Variants in TEK observed in about 807,000 individuals in gnomAD.
TEK encodes the protein TEK receptor tyrosine kinase.
A neutral mutation model predicts 131.8 loss-of-function variants in TEK; 43 were observed. The observed-to-expected ratio is 0.33, with a 90% CI of 0.26 to 0.42. The LOEUF (loss-of-function observed/expected upper bound fraction) is 0.42, where lower values mean the gene tolerates loss of function less well. Ranked by LOEUF, TEK falls within the 10% of genes least tolerant of loss-of-function variation. The probability of loss-of-function intolerance (pLI) is 1.00; values close to 1 mark genes in which losing one functional copy is unlikely to be tolerated. For synonymous variants in TEK, 580 were observed against 491.6 expected (o/e 1.18, Z -2.38); for missense variants, 1,162 against 1,384.4 (o/e 0.84, Z 2.55).
chr9:27,222,867 T>C (rs1211456742), intron 21 of TEK, among the ~76,000 whole-genome samples: 1 of 151,512 alleles, frequency 6.6e-6, no homozygotes, highest in African/African-American at 2.4e-5. Context: ...CATTATAATA[T>C]TGAGACCCAT....
intron 9 of TEK, 25 bp downstream of exon 9, chr9:27,185,654 G>C (rs1299340252): frequency 6.2e-7 from 1 of 1,613,164 alleles, no homozygotes; most frequent in Non-Finnish European, 8.5e-7. Flanking sequence ...CAGAAAAAGG[G>C]ATTGTGTCCT....
intron 21 of TEK, 142 bp downstream of exon 21, chr9:27,220,287 C>A: frequency 1.4e-6 from 1 of 715,550 alleles, no homozygotes; most frequent in Non-Finnish European, 2.5e-6. Flanking sequence ...AACCCCTCCC[C>A]TTTTATTCAC....
intron 16 of TEK, 108 bp from the exon 17 acceptor site, chr9:27,212,599 T>G: frequency 8.4e-7 from 1 of 1,193,918 alleles, no homozygotes; most frequent in Non-Finnish European, 1.2e-6. Context: ...TTGCTAGATG[T>G]GTTTTTTAGA....
rs373772509 is a variant in TEK, at chr9:27,157,971, A to G, written c.193A>G (p.Met65Val). 3.8e-5 allele frequency: 61 copies of G among 1,614,120 alleles called. 1 individual carries two copies. The highest frequency in any genetic ancestry group is 3.3e-4 in the Middle Eastern group (2 of 6,062). The change falls in exon 2 of 23, where the codon ATG becomes GTG. Residue 65 changes from methionine to valine, a missense_variant. Met to Val is a conservative substitution (Grantham distance 21, BLOSUM62 1). This residue lies in a region of TEK where 436 missense variants were observed against 539.1 expected (regional missense o/e 0.81). Transcript: ENST00000380036. The part of the protein sequence containing the change: ...ITIGRDFEAL[M>V]NQHQDPLEVT... Reference sequence around the variant, plus strand: ...CATAGGAAGGGACTTTGAAGCCTTAATGAACCAGCACCAGGATCCGCTGGA... The same window carrying G: ...CATAGGAAGGGACTTTGAAGCCTTAGTGAACCAGCACCAGGATCCGCTGGA...
At chr9:27,164,230 T>C (rs1172251706) in intron 2 of TEK, among the ~76,000 whole-genome samples, 1 of 152,156 alleles carries the variant, frequency 6.6e-6, no homozygotes, top group Non-Finnish European at 1.5e-5. Context: ...GTAGTACCTA[T>C]CTCATAGGGA....
rs1372372055 is a variant in TEK at position 27,168,479 on chromosome 9, T to G, written c.365-16T>G. The G allele has an allele frequency of 6.2e-7, 1 of 1,600,068 alleles. No individual in the cohort carries two copies. Reference sequence around the variant, plus strand: ...TGTGATCCCATTTTTGGTATTTGTTTTCTCTCTTTTAAAAGCTTCCTTCCT... The same window carrying G: ...TGTGATCCCATTTTTGGTATTTGTTGTCTCTCTTTTAAAAGCTTCCTTCCT... On this transcript the variant is annotated splice_polypyrimidine_tract_variant and intron_variant, in intron 2 of 22. Coordinates refer to ENST00000380036, the MANE Select transcript of TEK (RefSeq NM_000459.5).
intron 1 of TEK, among the ~76,000 whole-genome samples, chr9:27,116,969 C>T (rs1393367735): frequency 6.7e-6 from 1 of 148,952 alleles, no homozygotes; most frequent in Non-Finnish European, 1.5e-5. Context: ...TCACACCATT[C>T]TCCTGCCTCA....
At chr9:27,137,591 T>TA (rs1822518665) in intron 1 of TEK, among the ~76,000 whole-genome samples, 1 of 152,168 alleles carries the variant, frequency 6.6e-6, no homozygotes, top group Non-Finnish European at 1.5e-5. Flanking sequence ...TAGGAATTTA[T>TA]ATTTCCTAAT....
chr9:27,219,545 T>TTAAAACCTAGATG (rs1473997818), intron 20 of TEK, among the ~76,000 whole-genome samples: 2 of 152,104 alleles, frequency 1.3e-5, no homozygotes, highest in Non-Finnish European at 2.9e-5. Flanking sequence ...TATGTGGGGC[T>TTAAAACCTAGATG]TAAAACCTAG....
chr9:27,203,680 G>C (rs1252674286), intron 13 of TEK, among the ~76,000 whole-genome samples: 1 of 152,204 alleles, frequency 6.6e-6, no homozygotes, highest in African/African-American at 2.4e-5. Flanking sequence ...GTGTAATTAA[G>C]TGAACAAGGG....
chr9:27,207,238 G>A (rs1206242372), intron 15 of TEK, among the ~76,000 whole-genome samples: 3 of 152,182 alleles, frequency 2.0e-5, no homozygotes, highest in Non-Finnish European at 2.9e-5. Flanking sequence ...TATCTTGTGG[G>A]TTTGGGGACC....
intron 14 of TEK, among the ~76,000 whole-genome samples, chr9:27,206,164 T>C (rs1188544612): frequency 3.3e-5 from 5 of 152,204 alleles, no homozygotes; most frequent in Non-Finnish European, 7.3e-5. Context: ...AAGATAATGC[T>C]AAGAAAGCTC....
At chr9:27,186,758 ATTAGTAATC>A (rs1357081979) in intron 9 of TEK, among the ~76,000 whole-genome samples, 1 of 152,132 alleles carries the variant, frequency 6.6e-6, no homozygotes, top group African/African-American at 2.4e-5. Flanking sequence ...TCGTTACTTC[ATTAGTAATC>A]TCTTGGGAGA....
intron 2 of TEK, among the ~76,000 whole-genome samples, chr9:27,165,065 G>A (rs903731001): frequency 1.3e-5 from 2 of 152,162 alleles, no homozygotes; most frequent in Non-Finnish European, 1.5e-5. Context: ...CATTCATGCA[G>A]AGGTAAACTC....
intron 1 of TEK, among the ~76,000 whole-genome samples, chr9:27,142,743 C>T (rs982753508): frequency 1.3e-5 from 2 of 152,240 alleles, no homozygotes; most frequent in African/African-American, 4.8e-5. Flanking sequence ...GTTATGAATT[C>T]TATCACTGTT....
Position 27,229,286 on chromosome 9 carries a change from G to A in TEK, c.*54G>A. On this transcript the variant is annotated 3_prime_UTR_variant, in exon 23 of 23. Transcript: ENST00000380036. ...CCTTTCACTGGCATGGGAGACCCTT[G>A]ACACCTGCTGAGAAAACATGCCTCT... 1 of 1,547,770 alleles carries A rather than the reference G, an allele frequency of 6.5e-7. No individual in the cohort carries two copies.
chr9:27,224,992 G>A (rs371704254), intron 21 of TEK, among the ~76,000 whole-genome samples: 4 of 152,160 alleles, frequency 2.6e-5, no homozygotes, highest in African/African-American at 9.7e-5. Flanking sequence ...AACCATGAGT[G>A]AACTCTCATT....
chr9:27,171,783 A>C (rs1823968030), intron 4 of TEK, among the ~76,000 whole-genome samples: 1 of 152,200 alleles, frequency 6.6e-6, no homozygotes, highest in African/African-American at 2.4e-5. Context: ...AGCTTGCCTC[A>C]CAGCTACCTT....
intron 16 of TEK, among the ~76,000 whole-genome samples, chr9:27,211,844 ATAACTT>A (rs927726148): frequency 7.2e-6 from 1 of 137,948 alleles, no homozygotes; most frequent in Non-Finnish European, 1.5e-5. Context: ...AACCAGTAAA[ATAACTT>A]TAACTTTACA....
Sources: gnomAD v4.1 joint callset for allele counts (sites outside exome capture counted in the v4.1 genomes callset) on GRCh38, gnomAD v4.1.1 for gene constraint, gnomAD v4.1.1 regional missense constraint, MANE v1.5 for transcripts, NCBI Gene and HGNC (gene_info 2026-07-23, HGNC 2026-07-21) for gene names.